The following SLC35F1 variants were observed in gnomAD, a reference collection of about 807,000 sequenced individuals.
The protein encoded by SLC35F1 is solute carrier family 35 member F1.
SLC35F1 carries 14 observed loss-of-function variants against 48.7 expected under a neutral mutation model. The observed-to-expected ratio is 0.29, with a 90% CI of 0.19 to 0.45. The LOEUF (loss-of-function observed/expected upper bound fraction) is 0.45, where lower values mean the gene tolerates loss of function less well. SLC35F1 is among the 20% of genes least tolerant of loss of function. SLC35F1 has a pLI of 1.00. For synonymous variants in SLC35F1, 190 were observed against 202.2 expected (o/e 0.94, Z 0.51); for missense variants, 404 against 500.0 (o/e 0.81, Z 1.83).
At chr6:118,058,805 G>A (rs1772496921) in intron 1 of SLC35F1, among the ~76,000 whole-genome samples, 1 of 152,140 alleles carries the variant, frequency 6.6e-6, no homozygotes, top group Admixed American at 6.5e-5. Flanking sequence ...TCAGTGCAAT[G>A]AAAATATAAT....
At chr6:118,124,855 G>T (rs1347829406) in intron 1 of SLC35F1, among the ~76,000 whole-genome samples, 1 of 152,110 alleles carries the variant, frequency 6.6e-6, no homozygotes, top group African/African-American at 2.4e-5. Context: ...AATTTTAAAT[G>T]CCATTCTTTA....
chr6:118,090,480 A>G (rs1773057033), intron 1 of SLC35F1, among the ~76,000 whole-genome samples: 1 of 152,220 alleles, frequency 6.6e-6, no homozygotes, highest in South Asian at 2.1e-4. Flanking sequence ...GCCTCTCCAA[A>G]TAGGTGACAT....
At chr6:117,988,382 T>C (rs996215638) in intron 1 of SLC35F1, among the ~76,000 whole-genome samples, 1 of 152,204 alleles carries the variant, frequency 6.6e-6, no homozygotes, top group Non-Finnish European at 1.5e-5. Flanking sequence ...CAGTTAACTT[T>C]CTTAATTTAG....
At chr6:118,263,550 G>A (rs1036143613) in intron 3 of SLC35F1, among the ~76,000 whole-genome samples, 2 of 152,232 alleles carry the variant, frequency 1.3e-5, no homozygotes, top group Admixed American at 1.3e-4. Flanking sequence ...CAGAGCATAA[G>A]ATGGTTATAA....
intron 1 of SLC35F1, among the ~76,000 whole-genome samples, chr6:118,001,756 A>G (rs1050413748): frequency 6.6e-6 from 1 of 152,192 alleles, no homozygotes; most frequent in Non-Finnish European, 1.5e-5. Flanking sequence ...ATTTACAAGA[A>G]AAAAACAAAC....
intron 1 of SLC35F1, among the ~76,000 whole-genome samples, chr6:118,087,693 T>C (rs1418325497): frequency 6.6e-6 from 1 of 152,188 alleles, no homozygotes; most frequent in Non-Finnish European, 1.5e-5. Flanking sequence ...CAACAACTTC[T>C]ATCAAAATCC....
At chr6:118,252,044 T>G (rs953148906) in intron 3 of SLC35F1, among the ~76,000 whole-genome samples, 2 of 152,146 alleles carry the variant, frequency 1.3e-5, no homozygotes, top group Admixed American at 6.5e-5. Flanking sequence ...AAGTTACTAG[T>G]AGTAAGAGAC....
chr6:118,154,298 G>A (rs997929273), intron 1 of SLC35F1, 147 bp from the exon 2 acceptor site: 10 of 636,838 alleles, frequency 1.6e-5, no homozygotes, highest in Non-Finnish European at 2.6e-5. Flanking sequence ...CACCTTCCTC[G>A]AGGGATTGCT....
intron 2 of SLC35F1, among the ~76,000 whole-genome samples, chr6:118,173,198 A>G (rs1171374740): frequency 2.0e-5 from 3 of 152,084 alleles, no homozygotes; most frequent in East Asian, 1.9e-4. Context: ...CTCTCATTCT[A>G]TCAACAAAAA....
At chr6:118,265,924 G>A (rs530528123) in intron 3 of SLC35F1, among the ~76,000 whole-genome samples, 1 of 152,298 alleles carries the variant, frequency 6.6e-6, no homozygotes, top group Non-Finnish European at 1.5e-5. Flanking sequence ...GTCTTGGATA[G>A]TGTATCCAGA....
At chr6:118,159,016 C>G (rs925101032) in intron 2 of SLC35F1, among the ~76,000 whole-genome samples, 1 of 151,670 alleles carries the variant, frequency 6.6e-6, no homozygotes, top group East Asian at 1.9e-4. Flanking sequence ...GTCAGAAGAT[C>G]GAGATCATCC....
chr6:117,956,503 T>C (rs1776430388), intron 1 of SLC35F1, among the ~76,000 whole-genome samples: 1 of 152,220 alleles, frequency 6.6e-6, no homozygotes, highest in Non-Finnish European at 1.5e-5. Context: ...GAGTGCTGCT[T>C]TACTAGGCAA....
chr6:117,920,166 T>G (rs376286020), intron 1 of SLC35F1, among the ~76,000 whole-genome samples: 145 of 152,220 alleles, frequency 9.5e-4, no homozygotes, highest in African/African-American at 3.4e-3. Flanking sequence ...AGAGGGGCCC[T>G]GTCCTCCACA....
intron 2 of SLC35F1, among the ~76,000 whole-genome samples, chr6:118,186,355 C>A (rs975954362): frequency 6.6e-6 from 1 of 152,044 alleles, no homozygotes; most frequent in Non-Finnish European, 1.5e-5. Context: ...AAGATAATAG[C>A]GCCCCCACCC....
chr6:118,129,574 T>C (rs1460941746), intron 1 of SLC35F1, among the ~76,000 whole-genome samples: 1 of 152,028 alleles, frequency 6.6e-6, no homozygotes, highest in Non-Finnish European at 1.5e-5. Flanking sequence ...AAGGGGATGG[T>C]GGCTGGGATG....
chr6:118,140,467 A>G lies in SLC35F1; in HGVS notation c.174-13978A>G, dbSNP rs145493985. Among the ~76,000 whole-genome samples the G allele has an allele frequency of 4.8e-3, 728 of 152,362 alleles. 13 individuals carry two copies. Among genetic ancestry groups the G allele is most frequent in the African/African-American group, 0.017 (689 of 41,590 alleles). On this transcript the variant is annotated intron_variant, in intron 1 of 7. Coordinates refer to ENST00000360388, the MANE Select transcript of SLC35F1 (RefSeq NM_001029858.4). ...TCTATGCTGGCAGTCGTACAAAAGT[A>G]TAGCACATACAATTATGTACAGTAA...
At chr6:118,172,176 C>T (rs1469023619) in intron 2 of SLC35F1, among the ~76,000 whole-genome samples, 5 of 151,068 alleles carry the variant, frequency 3.3e-5, no homozygotes, top group South Asian at 2.1e-4. Flanking sequence ...AAAAAAAAGA[C>T]GATTCTTTTT....
At chr6:118,299,881 C>T (rs894539341) in intron 7 of SLC35F1, among the ~76,000 whole-genome samples, 18 of 152,274 alleles carry the variant, frequency 1.2e-4, no homozygotes, top group Middle Eastern at 3.4e-3. Flanking sequence ...TACACAGCCT[C>T]GTGCAAAAGT....
At chr6:118,274,396 A>T (rs1775894170) in intron 4 of SLC35F1, among the ~76,000 whole-genome samples, 1 of 151,890 alleles carries the variant, frequency 6.6e-6, no homozygotes, top group East Asian at 1.9e-4. Flanking sequence ...GTTTATTTTT[A>T]TTTATTTATT....
Sources: gnomAD v4.1 joint callset for allele counts (sites outside exome capture counted in the v4.1 genomes callset) on GRCh38, gnomAD v4.1.1 for gene constraint, MANE v1.5 for transcripts, NCBI Gene and HGNC (gene_info 2026-07-23, HGNC 2026-07-21) for gene names.